TLL1: variants seen among roughly 807,000 people sequenced by gnomAD.
TLL1 encodes the protein tolloid like 1, also known as tolloid-like protein 1.
Under a neutral mutation model 128.2 loss-of-function variants are expected in TLL1, and 49 were observed. That is an observed-to-expected ratio of 0.38 (90% confidence interval 0.30 to 0.48). The LOEUF is 0.48. Among genes scored for constraint, TLL1 ranks in the 20% least tolerant of loss-of-function variants. The pLI is 0.96. For synonymous variants in TLL1, 454 were observed against 418.8 expected (o/e 1.08, Z -1.03); for missense variants, 1,123 against 1,242.0 (o/e 0.90, Z 1.44).
chr4:166,067,703 C>T (rs979790322), intron 16 of TLL1, among the ~76,000 whole-genome samples: 17 of 151,574 alleles, frequency 1.1e-4, no homozygotes, highest in African/African-American at 3.6e-4. Flanking sequence ...ATTAACATGA[C>T]AATAGTTTTC....
intron 1 of TLL1, among the ~76,000 whole-genome samples, chr4:165,896,830 T>C (rs1211428902): frequency 1.3e-5 from 2 of 152,150 alleles, no homozygotes; most frequent in Non-Finnish European, 2.9e-5. Context: ...CGCCACACTG[T>C]CTTTCACAAT....
At chr4:165,931,466 C>A (rs987818020) in intron 1 of TLL1, among the ~76,000 whole-genome samples, 1 of 152,074 alleles carries the variant, frequency 6.6e-6, no homozygotes, top group African/African-American at 2.4e-5. Flanking sequence ...CACCTGTAAT[C>A]CCAGCACTTT....
chr4:165,952,151 T>C (rs1734555524), intron 1 of TLL1, among the ~76,000 whole-genome samples: 1 of 152,162 alleles, frequency 6.6e-6, no homozygotes, highest in Non-Finnish European at 1.5e-5. Flanking sequence ...CAAATTATTC[T>C]TACAAACTCC....
intron 1 of TLL1, among the ~76,000 whole-genome samples, chr4:165,880,085 C>T (rs1428540900): frequency 6.6e-6 from 1 of 152,032 alleles, no homozygotes; most frequent in African/African-American, 2.4e-5. Flanking sequence ...AATATATAAC[C>T]TCAAAGCTAT....
intron 9 of TLL1, among the ~76,000 whole-genome samples, chr4:166,025,651 A>G (rs1186053556): frequency 6.6e-6 from 1 of 152,176 alleles, no homozygotes; most frequent in East Asian, 1.9e-4. Flanking sequence ...AAATAATACA[A>G]ATTATATTCT....
intron 16 of TLL1, among the ~76,000 whole-genome samples, chr4:166,073,301 C>G (rs1435561892): frequency 1.3e-5 from 2 of 152,100 alleles, no homozygotes; most frequent in Non-Finnish European, 2.9e-5. Context: ...TCCACCCATT[C>G]TGTAGAAGTC....
intron 1 of TLL1, among the ~76,000 whole-genome samples, chr4:165,989,057 G>A (rs1182766440): frequency 2.0e-5 from 3 of 152,068 alleles, no homozygotes; most frequent in Non-Finnish European, 2.9e-5. Flanking sequence ...ATTCTTATCC[G>A]ATTTTCAGAT....
intron 1 of TLL1, among the ~76,000 whole-genome samples, chr4:165,927,861 C>T (rs890718326): frequency 3.3e-5 from 5 of 152,182 alleles, no homozygotes; most frequent in African/African-American, 1.2e-4. Context: ...AGGTTGAGAC[C>T]TCTTTGTTCT....
At chr4:166,014,139 C>A (rs1169580097) in intron 7 of TLL1, among the ~76,000 whole-genome samples, 1 of 151,806 alleles carries the variant, frequency 6.6e-6, no homozygotes, top group East Asian at 1.9e-4. Context: ...GAAACCAAAA[C>A]AAATGTCATG....
intron 18 of TLL1, among the ~76,000 whole-genome samples, chr4:166,078,446 G>A (rs768100165): frequency 3.3e-5 from 5 of 152,106 alleles, no homozygotes; most frequent in African/African-American, 9.7e-5. Flanking sequence ...ATATACATAC[G>A]TATTTTTCAT....
intron 1 of TLL1, among the ~76,000 whole-genome samples, chr4:165,924,066 A>G (rs894775685): frequency 2.6e-5 from 4 of 152,136 alleles, no homozygotes; most frequent in Non-Finnish European, 4.4e-5. Context: ...ACCATTTTCC[A>G]GTATCTCTCC....
intron 1 of TLL1, among the ~76,000 whole-genome samples, chr4:165,975,934 A>G: frequency 6.8e-6 from 1 of 146,456 alleles, no homozygotes; most frequent in East Asian, 2.1e-4. Flanking sequence ...GCTACTCAGG[A>G]GGCTGAGACA....
chr4:165,888,657 T>C (rs577143647), intron 1 of TLL1, among the ~76,000 whole-genome samples: 3 of 152,296 alleles, frequency 2.0e-5, no homozygotes, highest in African/African-American at 7.2e-5. Context: ...AATGCAGACC[T>C]ATTACCTATT....
Position 166,047,450 on chromosome 4 carries a change from C to T in TLL1, c.1524+4031C>T, listed in dbSNP as rs527832697. Among the ~76,000 whole-genome samples the T allele has an allele frequency of 1.5e-4, 22 of 150,394 alleles. No homozygotes were observed. The South Asian group carries it at 1.9e-3, about 13-fold the overall frequency. ...AAGTGCTGGGATTACAGGTATGAGC[C>T]ACCGCACCTGGCCTCATTTATTATT... On this transcript the variant is annotated intron_variant, in intron 12 of 20. Coordinates refer to ENST00000061240, the MANE Select transcript of TLL1 (RefSeq NM_012464.5).
At chr4:165,955,726 G>T (rs1237232862) in intron 1 of TLL1, among the ~76,000 whole-genome samples, 1 of 152,134 alleles carries the variant, frequency 6.6e-6, no homozygotes, top group Non-Finnish European at 1.5e-5. Flanking sequence ...ATCTTTTCCA[G>T]AAAAGCAATG....
intron 15 of TLL1, among the ~76,000 whole-genome samples, chr4:166,064,937 G>A (rs938402567): frequency 9.2e-5 from 14 of 152,036 alleles, no homozygotes; most frequent in African/African-American, 3.4e-4. Context: ...ACATATTTAT[G>A]TAATAAGGTC....
intron 1 of TLL1, among the ~76,000 whole-genome samples, chr4:165,966,222 A>G (rs1170415076): frequency 1.3e-5 from 2 of 151,644 alleles, no homozygotes; most frequent in Non-Finnish European, 2.9e-5. Context: ...AGGGAGCACT[A>G]GCAAACCACC....
intron 1 of TLL1, among the ~76,000 whole-genome samples, chr4:165,939,659 A>G (rs1184063883): frequency 6.6e-6 from 1 of 152,018 alleles, no homozygotes; most frequent in Non-Finnish European, 1.5e-5. Flanking sequence ...TGTAAGATTC[A>G]TTCTTCACCT....
intron 11 of TLL1, 125 bp from the exon 12 acceptor site, chr4:166,043,149 T>C: frequency 7.5e-7 from 1 of 1,339,832 alleles, no homozygotes; most frequent in South Asian, 1.2e-5. Context: ...TCAACTTTGA[T>C]TTTTATAGCC....
Sources: gnomAD v4.1 joint callset for allele counts (sites outside exome capture counted in the v4.1 genomes callset) on GRCh38, gnomAD v4.1.1 for gene constraint, MANE v1.5 for transcripts, NCBI Gene and HGNC (gene_info 2026-07-23, HGNC 2026-07-21) for gene names.